PIBF1: variants seen among roughly 807,000 people sequenced by gnomAD.
PIBF1 encodes the protein progesterone-induced-blocking factor 1.
Under a neutral mutation model 112.5 loss-of-function variants are expected in PIBF1, and 90 were observed. That is an observed-to-expected ratio of 0.80 (90% confidence interval 0.67 to 0.95). The LOEUF is 0.95. Among genes scored for constraint, PIBF1 ranks in the 40% least tolerant of loss-of-function variants. The probability of loss-of-function intolerance (pLI) is 0.00; values close to 1 mark genes in which losing one functional copy is unlikely to be tolerated. For synonymous variants in PIBF1, 301 were observed against 288.6 expected (o/e 1.04, Z -0.44); for missense variants, 915 against 852.3 (o/e 1.07, Z -0.92).
intron 14 of PIBF1, among the ~76,000 whole-genome samples, chr13:72,956,235 G>A (rs1337480234): frequency 2.6e-5 from 4 of 151,888 alleles, no homozygotes; most frequent in African/African-American, 4.8e-5. Flanking sequence ...TATCTCCATT[G>A]CAGATCACTT....
At chr13:72,895,604 G>T (rs2040250368) in intron 11 of PIBF1, among the ~76,000 whole-genome samples, 1 of 151,752 alleles carries the variant, frequency 6.6e-6, no homozygotes, top group Non-Finnish European at 1.5e-5. Flanking sequence ...CCTTTAGATA[G>T]GTCTGTGTGT....
At chr13:72,852,454 C>G (rs2038208643) in intron 9 of PIBF1, among the ~76,000 whole-genome samples, 1 of 152,308 alleles carries the variant, frequency 6.6e-6, no homozygotes, top group African/African-American at 2.4e-5. Context: ...ACCCCTTGCT[C>G]ACACACCCCT....
intron 14 of PIBF1, among the ~76,000 whole-genome samples, chr13:72,957,611 A>G (rs1415928267): frequency 6.6e-6 from 1 of 152,062 alleles, no homozygotes; most frequent in African/African-American, 2.4e-5. Context: ...AATCACCACT[A>G]AAGATCTTAA....
At chr13:72,822,028 T>G (rs762305892) in intron 6 of PIBF1, 46 bp downstream of exon 6, 24 of 1,516,188 alleles carry the variant, frequency 1.6e-5, no homozygotes, top group Non-Finnish European at 2.1e-5. Context: ...ATTTTTAGGG[T>G]GCATCAAAGT....
At chr13:72,801,086 G>C (rs963043606) in intron 5 of PIBF1, among the ~76,000 whole-genome samples, 5 of 152,196 alleles carry the variant, frequency 3.3e-5, no homozygotes, top group African/African-American at 1.2e-4. Context: ...TGACTGGTAT[G>C]CTTGAAGGGT....
chr13:72,950,917 GCCCACTGGGCATGTA>G (rs577422244), intron 14 of PIBF1, among the ~76,000 whole-genome samples: 543 of 152,332 alleles, frequency 3.6e-3, no homozygotes, highest in African/African-American at 0.011. Context: ...GTAGTTCCCA[GCCCACTGGGCATGTA>G]GGAGGCTCAA....
intron 5 of PIBF1, among the ~76,000 whole-genome samples, chr13:72,803,619 T>C (rs923372817): frequency 6.6e-6 from 1 of 152,172 alleles, no homozygotes; most frequent in African/African-American, 2.4e-5. Flanking sequence ...GAATAATAAT[T>C]TAGTAAAGTG....
Position 72,821,959 on chromosome 13 carries a change from A to AG in PIBF1, c.784dup (p.Glu262GlyfsTer4), listed in dbSNP as rs1216284081. On this transcript the variant is annotated frameshift_variant, in exon 6 of 18. Coordinates refer to ENST00000326291, the MANE Select transcript of PIBF1 (RefSeq NM_006346.4). LOFTEE classifies it high-confidence loss of function. ...TAATTCAGCAAGGTGACTACCGTCA[A>AG]GAGAACTATGATAAAGTCAAGAGGT... 1 of 1,612,204 alleles carries AG rather than the reference A, an allele frequency of 6.2e-7. No individual in the cohort carries two copies.
chr13:72,848,889 AG>A (rs1205079421), intron 9 of PIBF1, among the ~76,000 whole-genome samples: 6 of 152,128 alleles, frequency 3.9e-5, no homozygotes, highest in Non-Finnish European at 5.9e-5. Flanking sequence ...TTATAATTTA[AG>A]TAACCATACC....
chr13:72,817,705 C>T (rs1038037200), intron 5 of PIBF1, among the ~76,000 whole-genome samples: 13 of 152,176 alleles, frequency 8.5e-5, no homozygotes, highest in Admixed American at 7.9e-4. Context: ...CTTAGTCTTC[C>T]CACAAAGGTT....
intron 14 of PIBF1, among the ~76,000 whole-genome samples, chr13:72,943,869 T>G (rs2042077750): frequency 6.6e-6 from 1 of 152,226 alleles, no homozygotes; most frequent in African/African-American, 2.4e-5. Flanking sequence ...TATCTTTTTG[T>G]AAGCCTCAGT....
intron 11 of PIBF1, among the ~76,000 whole-genome samples, chr13:72,896,646 G>A (rs149615474): frequency 1.5e-4 from 23 of 152,188 alleles, no homozygotes; most frequent in African/African-American, 4.8e-4. Flanking sequence ...TTAAAAATGC[G>A]AAATGTTCTG....
intron 5 of PIBF1, among the ~76,000 whole-genome samples, chr13:72,811,608 A>AAAG (rs199831981): frequency 0.28 from 39,733 of 139,520 alleles, 6,596 homozygotes; most frequent in South Asian, 0.48. Flanking sequence ...AAAAAAAAAA[A>AAAG]AGAGAGAGAA....
At chr13:72,972,137 G>A (rs535989750) in intron 15 of PIBF1, among the ~76,000 whole-genome samples, 168 of 151,490 alleles carry the variant, frequency 1.1e-3, no homozygotes, top group African/African-American at 3.8e-3. Context: ...GGGCTCGAGC[G>A]ATCCTCCTAC....
chr13:72,786,425 T>C (rs1272881841), intron 2 of PIBF1, among the ~76,000 whole-genome samples: 3 of 152,232 alleles, frequency 2.0e-5, no homozygotes, highest in African/African-American at 4.8e-5. Flanking sequence ...TTCTTGAGAA[T>C]GTGTATCTTT....
intron 5 of PIBF1, among the ~76,000 whole-genome samples, chr13:72,814,311 C>T (rs915246450): frequency 6.6e-6 from 1 of 151,698 alleles, no homozygotes; most frequent in South Asian, 2.1e-4. Context: ...TGGCAGGCAT[C>T]TGTAATCCCA....
chr13:72,918,706 CTTT>C (rs71099768), intron 13 of PIBF1, among the ~76,000 whole-genome samples: 29 of 132,514 alleles, frequency 2.2e-4, no homozygotes, highest in Admixed American at 3.1e-4. Context: ...GCAACTACAT[CTTT>C]TTTTTTTTTT....
chr13:72,828,267 C>CTTTTT (rs780999187), intron 8 of PIBF1, among the ~76,000 whole-genome samples: 2 of 123,670 alleles, frequency 1.6e-5, no homozygotes, highest in African/African-American at 6.2e-5. Flanking sequence ...GATATGTTTG[C>CTTTTT]TTTTTTTTTT....
intron 5 of PIBF1, among the ~76,000 whole-genome samples, chr13:72,814,593 A>G (rs904301426): frequency 5.9e-5 from 9 of 151,922 alleles, no homozygotes; most frequent in African/African-American, 2.2e-4. Flanking sequence ...CTTACTTGGC[A>G]ATTAGAAACG....
Sources: allele counts gnomAD v4.1 joint callset (sites outside exome capture counted in the v4.1 genomes callset), GRCh38; gene constraint gnomAD v4.1.1; transcripts MANE v1.5; gene names NCBI Gene and HGNC (gene_info 2026-07-23, HGNC 2026-07-21).